Variants in CNTNAP2 observed in about 807,000 individuals in gnomAD.
The protein encoded by CNTNAP2 is contactin associated protein 2, also known as contactin-associated protein-like 2.
A neutral mutation model predicts 155.2 loss-of-function variants in CNTNAP2; 98 were observed. The observed-to-expected ratio is 0.63, with a 90% confidence interval of 0.54 to 0.75. The LOEUF is 0.75. CNTNAP2 is among the 30% of genes least tolerant of loss of function. The pLI is 0.00. For synonymous variants in CNTNAP2, 651 were observed against 631.2 expected, an observed-to-expected ratio of 1.03 and a Z score of -0.47; for missense variants, 1,727 against 1,688.1, an observed-to-expected ratio of 1.02 and a Z score of -0.40.
chr7:146,140,530 C>A (rs117384246), intron 1 of CNTNAP2, among the ~76,000 whole-genome samples: 1 of 152,046 alleles, frequency 6.6e-6, no homozygotes, highest in African/African-American at 2.4e-5. Context: ...TATATTAATT[C>A]TCATTCTTAG....
intron 3 of CNTNAP2, among the ~76,000 whole-genome samples, chr7:146,914,164 A>G (rs930485748): frequency 2.0e-5 from 3 of 152,038 alleles, no homozygotes; most frequent in Non-Finnish European, 4.4e-5. Flanking sequence ...TCATATATAT[A>G]TGAATACACA....
intron 18 of CNTNAP2, among the ~76,000 whole-genome samples, chr7:148,172,900 C>G (rs182423330): frequency 6.6e-6 from 1 of 152,260 alleles, no homozygotes; most frequent in Admixed American, 6.5e-5. Flanking sequence ...GATGCCCCCA[C>G]CCCCTGCAGT....
At chr7:146,344,536 A>G (rs1263275468) in intron 1 of CNTNAP2, among the ~76,000 whole-genome samples, 3 of 143,180 alleles carry the variant, frequency 2.1e-5, no homozygotes, top group East Asian at 2.0e-4. Flanking sequence ...CTGGAGTTCA[A>G]TGGCATGATC....
At chr7:147,597,683 C>T (rs528119600) in intron 12 of CNTNAP2, among the ~76,000 whole-genome samples, 2 of 152,160 alleles carry the variant, frequency 1.3e-5, no homozygotes, top group African/African-American at 2.4e-5. Flanking sequence ...CAGAGAAGTG[C>T]TTTTTCACAT....
At chr7:147,570,708 G>C (rs1241130795) in intron 12 of CNTNAP2, among the ~76,000 whole-genome samples, 2 of 152,170 alleles carry the variant, frequency 1.3e-5, no homozygotes, top group East Asian at 3.9e-4. Context: ...TTTTGATGAT[G>C]AAACTAGAGC....
chr7:147,652,786 G>A (rs1318881739), intron 13 of CNTNAP2, among the ~76,000 whole-genome samples: 1 of 151,928 alleles, frequency 6.6e-6, no homozygotes, highest in African/African-American at 2.4e-5. Context: ...AGAGAATGAG[G>A]CAACCTAATA....
At chr7:147,347,491 T>A (rs1795884584) in intron 9 of CNTNAP2, among the ~76,000 whole-genome samples, 1 of 100,766 alleles carries the variant, frequency 9.9e-6, no homozygotes, top group Admixed American at 1.0e-4. Context: ...TATATATATA[T>A]GCATATATAT....
In CNTNAP2 at chr7:147,942,684, A is replaced by G. The variant is rs535620750; in HGVS notation, c.2256-35178A>G. ...TACTGTCCTGTGTAGGAAAAAATAC[A>G]GAAAGCATATACTTCTTATTTCCCA... On this transcript the variant is annotated intron_variant, in intron 14 of 23. Transcript: ENST00000361727. Among the ~76,000 whole-genome samples, 3 of 152,300 alleles carry G rather than the reference A, an allele frequency of 2.0e-5. No individual in the cohort carries two copies. In the East Asian group the frequency reaches 5.8e-4, roughly 29 times the overall value.
chr7:147,789,548 G>GCCC (rs1224155885), intron 13 of CNTNAP2, among the ~76,000 whole-genome samples: 2 of 152,182 alleles, frequency 1.3e-5, no homozygotes, highest in East Asian at 3.9e-4. Flanking sequence ...TCTTACCTTT[G>GCCC]CCCCTTGTGA....
At chr7:148,328,494 C>CA (rs1563043769) in intron 21 of CNTNAP2, among the ~76,000 whole-genome samples, 8 of 65,492 alleles carry the variant, frequency 1.2e-4, no homozygotes, top group African/African-American at 5.5e-5. Context: ...TCTGTAGATT[C>CA]CATCTCTTGG....
intron 12 of CNTNAP2, among the ~76,000 whole-genome samples, chr7:147,623,274 C>A (rs1452514340): frequency 8.6e-5 from 13 of 151,846 alleles, no homozygotes; most frequent in Admixed American, 8.5e-4. Context: ...GACAAAAGAA[C>A]AAAATAAAGG....
intron 1 of CNTNAP2, among the ~76,000 whole-genome samples, chr7:146,450,517 G>A (rs900585044): frequency 6.6e-5 from 10 of 152,112 alleles, no homozygotes; most frequent in East Asian, 3.9e-4. Context: ...TCTCTACTGC[G>A]TTAGTTTTGT....
chr7:147,826,557 A>G (rs1345434892), intron 13 of CNTNAP2, among the ~76,000 whole-genome samples: 1 of 152,212 alleles, frequency 6.6e-6, no homozygotes, highest in Non-Finnish European at 1.5e-5. Flanking sequence ...TGATCCATAG[A>G]CTTATCAAAT....
chr7:147,162,580 G>A (rs1165736227), intron 8 of CNTNAP2, among the ~76,000 whole-genome samples: 1 of 152,048 alleles, frequency 6.6e-6, no homozygotes, highest in East Asian at 1.9e-4. Context: ...AGTATTTACT[G>A]CCCACTTTAT....
intron 8 of CNTNAP2, among the ~76,000 whole-genome samples, chr7:147,181,121 A>G (rs1038674710): frequency 6.6e-6 from 1 of 152,232 alleles, no homozygotes; most frequent in African/African-American, 2.4e-5. Context: ...GTAAGTCACT[A>G]TAAGCCAAGA....
intron 21 of CNTNAP2, among the ~76,000 whole-genome samples, chr7:148,323,808 C>G (rs1215670565): frequency 4.0e-5 from 6 of 151,854 alleles, no homozygotes; most frequent in African/African-American, 1.2e-4. Context: ...GCACTCCCCT[C>G]TCTGCTGTCT....
chr7:148,062,248 G>A (rs780651836), intron 15 of CNTNAP2, among the ~76,000 whole-genome samples: 4 of 151,848 alleles, frequency 2.6e-5, no homozygotes, highest in Admixed American at 6.6e-5. Context: ...AGGAAAAACC[G>A]GGTAACTATA....
chr7:147,876,202 C>T (rs563907695), intron 13 of CNTNAP2, among the ~76,000 whole-genome samples: 33 of 152,236 alleles, frequency 2.2e-4, no homozygotes, highest in African/African-American at 2.6e-4. Flanking sequence ...TGCTCTCTCA[C>T]GTCACTTTCT....
intron 1 of CNTNAP2, among the ~76,000 whole-genome samples, chr7:146,230,156 T>C (rs546382411): frequency 8.5e-5 from 13 of 152,178 alleles, no homozygotes; most frequent in Admixed American, 2.6e-4. Context: ...ACACTTGAGA[T>C]CAAAAAAGAA....
Sources: gnomAD v4.1 joint callset for allele counts (sites outside exome capture counted in the v4.1 genomes callset) on GRCh38, gnomAD v4.1.1 for gene constraint, MANE v1.5 for transcripts, NCBI Gene and HGNC (gene_info 2026-07-23, HGNC 2026-07-21) for gene names.